The following CACNA1A variants were observed in gnomAD, a reference collection of about 807,000 sequenced individuals.
CACNA1A encodes the protein calcium voltage-gated channel subunit alpha1 A, also known as voltage-dependent P/Q-type calcium channel subunit alpha-1A.
In CACNA1A, 57 loss-of-function variants were observed where a neutral mutation model predicts 262.4. That is an observed-to-expected ratio of 0.22 (90% CI 0.18 to 0.27). The LOEUF is 0.27. CACNA1A is among the 10% of genes least tolerant of loss of function. The pLI, the probability that CACNA1A is intolerant of heterozygous loss-of-function variation, is 1.00. For synonymous variants in CACNA1A, 1,431 were observed against 1,419.3 expected, an observed-to-expected ratio of 1.01 and a Z score of -0.18; for missense variants, 2,526 against 3,562.8, an observed-to-expected ratio of 0.71 and a Z score of 7.41.
chr19:13,284,499 C>G (rs1334215565), intron 21 of CACNA1A: 1 of 152,202 alleles, frequency 6.6e-6, no homozygotes, highest in African/African-American at 2.4e-5. Context: ...GGGAGACATT[C>G]AATTCTAAAA....
In CACNA1A at chr19:13,283,124, T is replaced by G. The variant is rs2302081; in HGVS notation, c.3822+143A>C. The stretch of plus-strand genomic sequence containing the variant: ...AGAGCATCCCCAAGGAATCAGAGCT[T>G]CCCCTCTCAACCAGCAGCCATAAGG... On this transcript the variant is annotated intron_variant, in intron 22 of 46. Coordinates refer to ENST00000360228, the MANE Select transcript of CACNA1A (RefSeq NM_001127222.2). 1.6e-3 allele frequency: 1,561 copies of G among 951,788 alleles called. 67 individuals carry two copies. The East Asian group carries it at 0.041, about 25-fold the overall frequency. 59.0% of individuals were successfully genotyped at this position (951,788 alleles called of 1,614,324 possible). A position where few individuals can be genotyped will look rare whatever the true frequency, so the allele number is the denominator to read the frequency against.
At chr19:13,295,835 A>G (rs1350897043) in intron 19 of CACNA1A, among the ~76,000 whole-genome samples, 1 of 152,188 alleles carries the variant, frequency 6.6e-6, no homozygotes, top group African/African-American at 2.4e-5. Flanking sequence ...ACATAAGAAC[A>G]CAACATATTT....
intron 6 of CACNA1A, among the ~76,000 whole-genome samples, chr19:13,346,642 ATATATATATATATATATATATATATTT>A (rs1372933918): frequency 6.1e-4 from 8 of 13,126 alleles, no homozygotes; most frequent in South Asian, 2.7e-3. Context: ...ATATATATAT[ATATATATATATATATATATATATATTT>A]TTTTTTTTTT....
chr19:13,291,191 T>C (rs1370663761), intron 19 of CACNA1A, among the ~76,000 whole-genome samples: 1 of 152,164 alleles, frequency 6.6e-6, no homozygotes, highest in Admixed American at 6.5e-5. Context: ...GGCGTTCTTG[T>C]GCCAGCTGAT....
intron 1 of CACNA1A, among the ~76,000 whole-genome samples, chr19:13,490,730 AAAGAGAAAAG>A (rs1980722541): frequency 2.8e-5 from 4 of 141,418 alleles, no homozygotes; most frequent in African/African-American, 7.9e-5. Context: ...AGAAAGAAAG[AAAGAGAAAAG>A]AAAGAAAGAA....
At chr19:13,325,048 TCTTCCC>T (rs1018334821) in intron 10 of CACNA1A, among the ~76,000 whole-genome samples, 17 of 151,448 alleles carry the variant, frequency 1.1e-4, no homozygotes, top group Non-Finnish European at 2.5e-4. Flanking sequence ...TTCTTCTTCC[TCTTCCC>T]CTTCCCCTTC....
chr19:13,285,033 AG>A (rs1376150513), intron 21 of CACNA1A, 34 bp downstream of exon 21: 3 of 1,611,104 alleles, frequency 1.9e-6, no homozygotes, highest in Non-Finnish European at 2.5e-6. Flanking sequence ...TGGGAGCCCC[AG>A]GCCCCCCCTG....
At chr19:13,465,567 C>G in intron 1 of CACNA1A, among the ~76,000 whole-genome samples, 1 of 152,146 alleles carries the variant, frequency 6.6e-6, no homozygotes, top group East Asian at 1.9e-4. Flanking sequence ...TCACTGCAGC[C>G]TCGGCCTCCT....
intron 31 of CACNA1A, among the ~76,000 whole-genome samples, chr19:13,238,011 G>A (rs923594467): frequency 2.0e-5 from 3 of 152,216 alleles, no homozygotes; most frequent in African/African-American, 7.2e-5. Context: ...GATCTGGCAG[G>A]GAGATGCGTG....
chr19:13,225,109 C>A (rs1006139833), intron 37 of CACNA1A: 25 of 245,032 alleles, frequency 1.0e-4, no homozygotes, highest in Non-Finnish European at 1.9e-4. Flanking sequence ...TTCAGTCTGA[C>A]CCCAAAGAAA....
Position 13,207,473 on chromosome 19 carries a change from G to A in CACNA1A, c.7361C>T (p.Thr2454Ile). 6.9e-7 allele frequency: 1 copy of A among 1,453,406 alleles called. No individual in the cohort carries two copies. Among genetic ancestry groups the A allele is most frequent in the Non-Finnish European group, 9.0e-7 (1 of 1,109,406 alleles). 90.0% of individuals were successfully genotyped at this position (1,453,406 alleles called of 1,614,324 possible). A position where few individuals can be genotyped will look rare whatever the true frequency, so the allele number is the denominator to read the frequency against. ...GCAGGCCGGGCCCGAGGCCCGGGGA[G>A]TCCTGGGCGAGCGCCCGGTGGCGCC... ...SSGATGRSPR[T>I]PRASGPACAS... is the part of the protein sequence containing the mutation. The change falls in exon 47 of 47, where the codon ACT becomes ATT. Residue 2454 changes from threonine (T) to isoleucine (I), a missense_variant. Thr to Ile is a moderately conservative substitution (Grantham distance 89). Coordinates refer to ENST00000360228, the MANE Select transcript of CACNA1A (RefSeq NM_001127222.2). This position sits in a 1 kb window ranked among gnomAD's most constrained non-coding sequence, Gnocchi z 5.7.
rs2054621426 is a variant in CACNA1A at position 13,207,834 on chromosome 19, C to T, written c.7000G>A (p.Ala2334Thr). The T allele has an allele frequency of 3.4e-6, 5 of 1,464,612 alleles. No individual in the cohort carries two copies. Among genetic ancestry groups the T allele is most frequent in the Admixed American group, 2.5e-5 (1 of 40,672 alleles). 90.7% of individuals were successfully genotyped at this position (1,464,612 alleles called of 1,614,324 possible). Residue 2334 changes from alanine (A) to threonine (T), a missense_variant, in exon 47 of 47, where the codon GCC (alanine) becomes ACC (threonine). Ala to Thr is a moderately conservative substitution (Grantham distance 58, BLOSUM62 0). This residue lies in a region of CACNA1A where 929 missense variants were observed against 868.1 expected (regional missense o/e 1.07). Coordinates refer to ENST00000360228, the MANE Select transcript of CACNA1A (RefSeq NM_001127222.2). This position sits in a 1 kb window ranked among gnomAD's most constrained non-coding sequence, Gnocchi z 5.7. The stretch of plus-strand genomic sequence containing the variant: ...GGGTACCTCCGAGGGCCGCTGGTGG[C>T]CGCCCGGCCCGGCCTGGCCACCGCC... Reference protein sequence around the residue: ...QQAVARPGRAATSGPRRYPGP... With the variant: ...QQAVARPGRATTSGPRRYPGP...
chr19:13,437,361 T>G (rs1186320264), intron 3 of CACNA1A, among the ~76,000 whole-genome samples: 8 of 152,062 alleles, frequency 5.3e-5, no homozygotes, highest in Admixed American at 5.2e-4. Context: ...TCCATAAACC[T>G]AACACTGCAG....
chr19:13,446,526 C>G (rs2060816707), intron 3 of CACNA1A, among the ~76,000 whole-genome samples: 1 of 149,030 alleles, frequency 6.7e-6, no homozygotes, highest in Non-Finnish European at 1.5e-5. Context: ...ACTGCAACCT[C>G]TGCCTCCTGG....
chr19:13,309,229 C>T (rs978539509), intron 12 of CACNA1A, among the ~76,000 whole-genome samples: 1 of 151,740 alleles, frequency 6.6e-6, no homozygotes, highest in Admixed American at 6.6e-5. Flanking sequence ...AGGCTAGTCT[C>T]GAACTCCTGA....
chr19:13,236,634 A>T lies in CACNA1A; in HGVS notation c.4951-904T>A, dbSNP rs2055887775. On this transcript the variant is annotated intron_variant, in intron 31 of 46. Transcript: ENST00000360228. The surrounding 1 kb of genome is among the most constrained non-coding windows in gnomAD (Gnocchi z 4.6). ...GGGACCAGGCCTGCAGGAAGCAGGA[A>T]GCACTCAGCTCCCATGGGTGGGTGA... is the stretch of plus-strand genomic sequence containing the variant. 6.6e-6 allele frequency: 1 copy of T among 152,572 alleles called. No individual in the cohort carries two copies. The highest frequency in any genetic ancestry group is 1.5e-5 in the Non-Finnish European group (1 of 68,064). 9.5% of individuals were successfully genotyped at this position (152,572 alleles called of 1,614,324 possible).
In CACNA1A at chr19:13,212,206, A is replaced by G. The variant is rs563718362; in HGVS notation, c.6200T>C (p.Met2067Thr). The G allele has an allele frequency of 1.9e-6, 3 of 1,613,788 alleles. No individual in the cohort carries two copies. Among genetic ancestry groups the G allele is most frequent in the Admixed American group, 1.7e-5 (1 of 60,008 alleles). The change falls in exon 43 of 47, where the codon ATG (methionine) becomes ACG (threonine). Residue 2067 changes from methionine (M) to threonine (T), a missense_variant. Met to Thr is a moderately conservative substitution (Grantham distance 81, BLOSUM62 -1). This residue lies in a region of CACNA1A where 929 missense variants were observed against 868.1 expected (regional missense o/e 1.07). Coordinates refer to ENST00000360228, the MANE Select transcript of CACNA1A (RefSeq NM_001127222.2). The surrounding 1 kb of genome is among the most constrained non-coding windows in gnomAD (Gnocchi z 5.6). Reference sequence around the variant, plus strand: ...GTAGCCATCTCTGCCCATCTCTCGCATCTCCACGGACTGCGGAGCAGATGG... The same window carrying G: ...GTAGCCATCTCTGCCCATCTCTCGCGTCTCCACGGACTGCGGAGCAGATGG... ...NSQPNSQSVE[M>T]REMGRDGYSD...
chr19:13,388,398 G>T (rs2059655820), intron 3 of CACNA1A, among the ~76,000 whole-genome samples: 2 of 151,828 alleles, frequency 1.3e-5, no homozygotes, highest in East Asian at 1.9e-4. Context: ...TGGGATTACA[G>T]GCACATGCCA....
chr19:13,310,515 T>TAGAGAGAG (rs148544563), intron 12 of CACNA1A, among the ~76,000 whole-genome samples: 4,624 of 68,688 alleles, frequency 0.067, 474 homozygotes, highest in African/African-American at 0.13. Flanking sequence ...TATATATATG[T>TAGAGAGAG]AGAGAGAGAG....
Sources: gnomAD v4.1 joint callset for allele counts (sites outside exome capture counted in the v4.1 genomes callset) on GRCh38, gnomAD v4.1.1 for gene constraint, gnomAD v4.1.1 regional missense constraint, Gnocchi (gnomAD v3.1) non-coding constraint, MANE v1.5 for transcripts, NCBI Gene and HGNC (gene_info 2026-07-23, HGNC 2026-07-21) for gene names.